MED27: variants seen among roughly 807,000 people sequenced by gnomAD.
The protein encoded by MED27 is mediator complex subunit 27, also known as mediator of RNA polymerase II transcription subunit 27.
A neutral mutation model predicts 38.2 loss-of-function variants in MED27; 30 were observed. The ratio of observed to expected loss-of-function variants is 0.79; its 90% CI spans 0.59 to 1.07. The LOEUF is 1.07. MED27 is among the 50% of genes least tolerant of loss of function. MED27 has a pLI of 0.00. For missense variants in MED27, 289 were observed against 397.5 expected (o/e 0.73, Z 2.32); for synonymous variants, 122 against 153.5 (o/e 0.79, Z 1.52).
intron 2 of MED27, among the ~76,000 whole-genome samples, chr9:132,028,755 C>T (rs1185036149): frequency 1.3e-5 from 2 of 152,166 alleles, no homozygotes; most frequent in Non-Finnish European, 2.9e-5. Context: ...CAGAGATCAT[C>T]TGCAACAGAA....
At chr9:131,947,584 C>A (rs890206862) in intron 3 of MED27, among the ~76,000 whole-genome samples, 7 of 152,152 alleles carry the variant, frequency 4.6e-5, no homozygotes. Context: ...TTACTCCACA[C>A]ATCCAAATAC....
intron 5 of MED27, among the ~76,000 whole-genome samples, chr9:131,893,298 C>T (rs1412144828): frequency 6.6e-6 from 1 of 152,098 alleles, no homozygotes; most frequent in Non-Finnish European, 1.5e-5. Flanking sequence ...CATCAGCATC[C>T]TCTGATGCTC....
chr9:131,906,712 C>A (rs563662789), intron 4 of MED27, among the ~76,000 whole-genome samples: 5 of 152,076 alleles, frequency 3.3e-5, no homozygotes, highest in African/African-American at 4.8e-5. Context: ...AGAGGGTTCT[C>A]GGATCTTGTG....
intron 2 of MED27, among the ~76,000 whole-genome samples, chr9:132,035,655 T>C (rs1455174207): frequency 1.3e-5 from 2 of 151,972 alleles, no homozygotes; most frequent in Non-Finnish European, 2.9e-5. Flanking sequence ...CAAATGATCA[T>C]CTCGACAGTG....
Position 131,880,195 on chromosome 9 carries a change from CT to C in MED27, c.723+3862del, listed in dbSNP as rs950676842. Among the ~76,000 whole-genome samples, 426 of 147,904 alleles carry C rather than the reference CT, an allele frequency of 2.9e-3. 1 individual carries two copies. The highest frequency in any genetic ancestry group is 3.9e-3 in the Non-Finnish European group (263 of 66,622). On this transcript the variant is annotated intron_variant, in intron 6 of 7. Transcript: ENST00000292035. ...ACAAGCTCAGTGATACAGAAACAGG[CT>C]TTTTTTTTTTCTAACAAGATCCCAA...
At chr9:132,010,701 C>A (rs983014018) in intron 3 of MED27, among the ~76,000 whole-genome samples, 5 of 152,080 alleles carry the variant, frequency 3.3e-5, no homozygotes, top group African/African-American at 1.2e-4. Context: ...ACTATGCAGC[C>A]ATAAAAAATG....
chr9:131,962,344 C>T (rs1316475572), intron 3 of MED27, among the ~76,000 whole-genome samples: 1 of 152,188 alleles, frequency 6.6e-6, no homozygotes, highest in Non-Finnish European at 1.5e-5. Flanking sequence ...TCAAGTCATC[C>T]TCCCACTTCA....
intron 3 of MED27, among the ~76,000 whole-genome samples, chr9:131,971,391 G>A (rs1831473294): frequency 6.6e-6 from 1 of 152,228 alleles, no homozygotes. Flanking sequence ...AAGGCGATGA[G>A]GCAGCGGAGC....
At chr9:131,979,639 A>C (rs1831688753) in intron 3 of MED27, among the ~76,000 whole-genome samples, 1 of 152,224 alleles carries the variant, frequency 6.6e-6, no homozygotes, top group African/African-American at 2.4e-5. Context: ...GCATTGAATA[A>C]AGAATGAAGG....
intron 3 of MED27, among the ~76,000 whole-genome samples, chr9:132,004,504 C>CA (rs1185850906): frequency 1.3e-5 from 2 of 152,194 alleles, no homozygotes; most frequent in African/African-American, 4.8e-5. Flanking sequence ...ATATCAGCCC[C>CA]TGCTCACAAG....
chr9:131,953,393 A>G (rs771528949), intron 3 of MED27, among the ~76,000 whole-genome samples: 4 of 152,196 alleles, frequency 2.6e-5, no homozygotes, highest in Admixed American at 6.5e-5. Context: ...TGCACAGACT[A>G]ACAGTTTCCA....
At chr9:131,925,622 C>T (rs1159765720) in intron 4 of MED27, among the ~76,000 whole-genome samples, 1 of 152,070 alleles carries the variant, frequency 6.6e-6, no homozygotes, top group African/African-American at 2.4e-5. Context: ...AAAATTAAGT[C>T]CCTGAAGATA....
intron 4 of MED27, among the ~76,000 whole-genome samples, chr9:131,895,539 C>A (rs80227322): frequency 0.02 from 3,026 of 152,300 alleles, 102 homozygotes; most frequent in African/African-American, 0.07. Context: ...TCAGTGAACA[C>A]CCCCAACGTT....
At chr9:131,920,844 T>C (rs1487506290) in intron 4 of MED27, among the ~76,000 whole-genome samples, 4 of 152,018 alleles carry the variant, frequency 2.6e-5, no homozygotes, top group African/African-American at 9.7e-5. Flanking sequence ...AGGCTTTCAC[T>C]GGAGGGAGAT....
chr9:131,962,851 T>A (rs1338709633), intron 3 of MED27, among the ~76,000 whole-genome samples: 1 of 152,246 alleles, frequency 6.6e-6, no homozygotes, highest in Non-Finnish European at 1.5e-5. Context: ...TTCTTGGCAT[T>A]CTTTCCTTTA....
chr9:131,881,798 T>C (rs1839045216), intron 6 of MED27, among the ~76,000 whole-genome samples: 2 of 114,428 alleles, frequency 1.7e-5, no homozygotes, highest in African/African-American at 3.2e-5. Flanking sequence ...CTTCTTCTTC[T>C]TCTTTTTTTT....
intron 3 of MED27, among the ~76,000 whole-genome samples, chr9:131,964,567 T>TA (rs1831300841): frequency 6.6e-6 from 1 of 152,058 alleles, no homozygotes; most frequent in African/African-American, 2.4e-5. Flanking sequence ...GGACCACAAA[T>TA]ACAAAACTGG....
chr9:131,943,066 A>G (rs543380609), intron 3 of MED27, among the ~76,000 whole-genome samples: 1 of 152,310 alleles, frequency 6.6e-6, no homozygotes, highest in Admixed American at 6.5e-5. Context: ...GCAAACTCAA[A>G]GACTGTATGA....
chr9:131,960,544 CT>C (rs1179834751), intron 3 of MED27, among the ~76,000 whole-genome samples: 1 of 152,170 alleles, frequency 6.6e-6, no homozygotes, highest in Admixed American at 6.5e-5. Context: ...GTGAATCACA[CT>C]GTGAATGAGT....
Sources: gnomAD v4.1 joint callset for allele counts (sites outside exome capture counted in the v4.1 genomes callset) on GRCh38, gnomAD v4.1.1 for gene constraint, MANE v1.5 for transcripts, NCBI Gene and HGNC (gene_info 2026-07-23, HGNC 2026-07-21) for gene names.